FBXL7: variants seen among roughly 807,000 people sequenced by gnomAD.
FBXL7 encodes F-box/LRR-repeat protein 7.
In FBXL7, 12 loss-of-function variants were observed where a neutral mutation model predicts 38.3. The ratio of observed to expected loss-of-function variants is 0.31; its 90% CI spans 0.20 to 0.51. The LOEUF is 0.51. FBXL7 is among the 20% of genes least tolerant of loss of function. FBXL7 has a pLI of 0.98. For missense variants in FBXL7, 567 were observed against 676.4 expected (o/e 0.84, Z 1.79); for synonymous variants, 297 against 300.9 (o/e 0.99, Z 0.13).
chr5:15,853,696 G>C (rs1739169394), intron 2 of FBXL7, among the ~76,000 whole-genome samples: 1 of 152,142 alleles, frequency 6.6e-6, no homozygotes, highest in Non-Finnish European at 1.5e-5. Flanking sequence ...CCATTCACAG[G>C]GCTGGATTTT....
chr5:15,797,308 T>C (rs1315233970), intron 2 of FBXL7, among the ~76,000 whole-genome samples: 2 of 152,198 alleles, frequency 1.3e-5, no homozygotes, highest in Admixed American at 6.5e-5. Flanking sequence ...ACAGCTGTAA[T>C]GTAGGACCCT....
intron 2 of FBXL7, among the ~76,000 whole-genome samples, chr5:15,767,303 G>A (rs1736618136): frequency 6.6e-6 from 1 of 152,086 alleles, no homozygotes; most frequent in Admixed American, 6.5e-5. Context: ...ACTGCCTTAA[G>A]CAACTGTGAA....
At chr5:15,755,945 A>G (rs902703070) in intron 2 of FBXL7, among the ~76,000 whole-genome samples, 4 of 152,200 alleles carry the variant, frequency 2.6e-5, no homozygotes, top group Admixed American at 6.5e-5. Context: ...TCAGAGAGAG[A>G]AGAGAGAGAC....
chr5:15,727,445 C>T (rs746850495), intron 2 of FBXL7, among the ~76,000 whole-genome samples: 31 of 152,218 alleles, frequency 2.0e-4, no homozygotes, highest in Admixed American at 1.0e-3. Flanking sequence ...TCATTTCTTC[C>T]TCACTTTTGA....
intron 2 of FBXL7, among the ~76,000 whole-genome samples, chr5:15,868,080 G>A (rs1579542482): frequency 6.7e-6 from 1 of 149,920 alleles, no homozygotes; most frequent in East Asian, 2.0e-4. Flanking sequence ...CTCCAGCGTG[G>A]CGACAGAGCA....
chr5:15,515,197 G>C (rs1458807381), intron 1 of FBXL7, among the ~76,000 whole-genome samples: 2 of 152,196 alleles, frequency 1.3e-5, no homozygotes, highest in Non-Finnish European at 2.9e-5. Flanking sequence ...TCTTAAAGGG[G>C]AGCCTTCAGC....
At chr5:15,880,718 A>G (rs1444564246) in intron 2 of FBXL7, among the ~76,000 whole-genome samples, 1 of 34,322 alleles carries the variant, frequency 2.9e-5, no homozygotes, top group Non-Finnish European at 6.0e-5. Context: ...TATATATACT[A>G]TATTATATAT....
At chr5:15,586,211 T>C (rs1054829898) in intron 1 of FBXL7, among the ~76,000 whole-genome samples, 3 of 151,924 alleles carry the variant, frequency 2.0e-5, no homozygotes, top group African/African-American at 7.3e-5. Context: ...TTCTGGGTGA[T>C]GACAAATCAT....
intron 2 of FBXL7, among the ~76,000 whole-genome samples, chr5:15,830,655 G>C (rs1738432968): frequency 6.6e-6 from 1 of 152,128 alleles, no homozygotes; most frequent in Non-Finnish European, 1.5e-5. Context: ...GCCCACCACT[G>C]TTCCCAAAGT....
intron 2 of FBXL7, among the ~76,000 whole-genome samples, chr5:15,621,456 A>G (rs1184680677): frequency 6.6e-6 from 1 of 152,080 alleles, no homozygotes; most frequent in African/African-American, 2.4e-5. Flanking sequence ...CCTATACTGG[A>G]AAGAGGGGCC....
intron 2 of FBXL7, among the ~76,000 whole-genome samples, chr5:15,926,544 C>T (rs1741881774): frequency 6.6e-6 from 1 of 151,158 alleles, no homozygotes; most frequent in Non-Finnish European, 1.5e-5. Context: ...GAGAGAAAGA[C>T]TAAATTCTTC....
intron 2 of FBXL7, among the ~76,000 whole-genome samples, chr5:15,862,935 A>G (rs1036628285): frequency 2.0e-5 from 3 of 152,316 alleles, no homozygotes; most frequent in African/African-American, 7.2e-5. Context: ...AGGGCTGCTC[A>G]TTCCCATCTA....
intron 2 of FBXL7, among the ~76,000 whole-genome samples, chr5:15,765,912 C>T (rs1168963739): frequency 6.6e-6 from 1 of 152,160 alleles, no homozygotes; most frequent in Non-Finnish European, 1.5e-5. Context: ...GCCTCTCTCA[C>T]GTGACCATGC....
At chr5:15,732,301 AAAAAT>A (rs1454348615) in intron 2 of FBXL7, among the ~76,000 whole-genome samples, 1 of 152,116 alleles carries the variant, frequency 6.6e-6, no homozygotes. Flanking sequence ...CTATTGTTAA[AAAAAT>A]AAAATAAAAC....
intron 1 of FBXL7, among the ~76,000 whole-genome samples, chr5:15,512,827 G>A (rs1458379432): frequency 2.0e-5 from 3 of 152,150 alleles, no homozygotes; most frequent in African/African-American, 7.2e-5. Context: ...ATGTTGTTTT[G>A]TAGTATTTGT....
At chr5:15,892,187 A>T (rs1326855672) in intron 2 of FBXL7, among the ~76,000 whole-genome samples, 1 of 152,204 alleles carries the variant, frequency 6.6e-6, no homozygotes, top group Non-Finnish European at 1.5e-5. Flanking sequence ...CTTGAAGACA[A>T]CACTCCAACC....
At chr5:15,826,060 A>T (rs1370046450) in intron 2 of FBXL7, among the ~76,000 whole-genome samples, 1 of 152,188 alleles carries the variant, frequency 6.6e-6, no homozygotes, top group Non-Finnish European at 1.5e-5. Flanking sequence ...CACAGCCAAC[A>T]TTTCTTCGCT....
intron 2 of FBXL7, among the ~76,000 whole-genome samples, chr5:15,782,358 G>A (rs931936874): frequency 6.6e-6 from 1 of 152,114 alleles, no homozygotes; most frequent in Non-Finnish European, 1.5e-5. Context: ...TGAGATTGCT[G>A]GGCCAAATGG....
intron 2 of FBXL7, among the ~76,000 whole-genome samples, chr5:15,877,306 G>A (rs1411762881): frequency 6.6e-6 from 1 of 152,186 alleles, no homozygotes; most frequent in African/African-American, 2.4e-5. Context: ...GAATTTGAAT[G>A]GAAAGCTCTT....
Sources: gnomAD v4.1 joint callset for allele counts (sites outside exome capture counted in the v4.1 genomes callset) on GRCh38, gnomAD v4.1.1 for gene constraint, MANE v1.5 for transcripts, NCBI Gene and HGNC (gene_info 2026-07-23, HGNC 2026-07-21) for gene names.